Variants in NRXN1 observed in about 807,000 individuals in gnomAD.
NRXN1 encodes neurexin-1.
NRXN1 carries 39 observed loss-of-function variants against 150.9 expected under a neutral mutation model. The ratio of observed to expected loss-of-function variants is 0.26; its 90% confidence interval spans 0.20 to 0.34. NRXN1 has a LOEUF of 0.34. Ranked by LOEUF, NRXN1 falls within the 10% of genes least tolerant of loss-of-function variation. The probability of loss-of-function intolerance (pLI) is 1.00; values close to 1 mark genes in which losing one functional copy is unlikely to be tolerated. For missense variants in NRXN1, 1,815 were observed against 1,949.9 expected (o/e 0.93, Z 1.30); for synonymous variants, 924 against 757.0 (o/e 1.22, Z -3.62).
At chr2:50,374,036 A>C (rs1320458289) in intron 17 of NRXN1, among the ~76,000 whole-genome samples, 2 of 151,490 alleles carry the variant, frequency 1.3e-5, no homozygotes, top group East Asian at 3.9e-4. Context: ...GTGGGCTCAC[A>C]CTTGTAATCT....
chr2:50,494,963 A>T (rs2091476159), intron 15 of NRXN1, among the ~76,000 whole-genome samples: 1 of 151,416 alleles, frequency 6.6e-6, no homozygotes, highest in African/African-American at 2.4e-5. Context: ...CCTAAGAGGC[A>T]GAGACTGAAG....
chr2:50,042,639 C>T (rs1161381792), intron 21 of NRXN1, among the ~76,000 whole-genome samples: 1 of 152,082 alleles, frequency 6.6e-6, no homozygotes, highest in African/African-American at 2.4e-5. Context: ...TCAAAAACCA[C>T]TTACTAAGTG....
intron 21 of NRXN1, among the ~76,000 whole-genome samples, chr2:49,949,361 A>G (rs1292298062): frequency 6.6e-6 from 1 of 152,018 alleles, no homozygotes; most frequent in Non-Finnish European, 1.5e-5. Context: ...TTTAAAAAAT[A>G]TAGCTTAACT....
At chr2:50,994,386 T>C (rs1288038425) in intron 2 of NRXN1, among the ~76,000 whole-genome samples, 1 of 152,022 alleles carries the variant, frequency 6.6e-6, no homozygotes, top group African/African-American at 2.4e-5. Flanking sequence ...AGATAACTTA[T>C]CCTCAAGTTT....
intron 2 of NRXN1, among the ~76,000 whole-genome samples, chr2:51,008,108 G>T (rs1034782721): frequency 6.6e-5 from 10 of 151,806 alleles, no homozygotes; most frequent in African/African-American, 2.2e-4. Context: ...TTTGATTGTT[G>T]CTGGCAATGT....
chr2:50,179,867 C>A (rs933197861), intron 18 of NRXN1, among the ~76,000 whole-genome samples: 2 of 152,076 alleles, frequency 1.3e-5, no homozygotes, highest in East Asian at 3.9e-4. Context: ...GCCTGCTGCT[C>A]CTCCTTCCCT....
rs544284165 is a variant in NRXN1, at chr2:50,689,957, G to A, written c.833-66342C>T. Among the ~76,000 whole-genome samples the A allele has an allele frequency of 2.0e-5, 3 of 150,464 alleles. No homozygotes were observed. In the South Asian group the frequency reaches 6.3e-4, roughly 32 times the overall value. On this transcript the variant is annotated intron_variant, in intron 5 of 22. Transcript: ENST00000401669. ...GCTGCAGTGCAATGGTGCGATCTCG[G>A]CTCACTGCAACCTCTGCCTCTGGGG...
intron 8 of NRXN1, among the ~76,000 whole-genome samples, chr2:50,560,422 A>ATGTT (rs71404964): frequency 0.4 from 56,051 of 139,790 alleles, 11,413 homozygotes; most frequent in East Asian, 0.63. Flanking sequence ...AGTCTGATGT[A>ATGTT]TGTTTATTTA....
At chr2:51,018,725 T>C (rs1012298536) in intron 2 of NRXN1, among the ~76,000 whole-genome samples, 1 of 152,104 alleles carries the variant, frequency 6.6e-6, no homozygotes. Flanking sequence ...ACCACAGAGG[T>C]TGATATTTTC....
intron 21 of NRXN1, among the ~76,000 whole-genome samples, chr2:50,014,102 TTTTG>T (rs1179156393): frequency 4.0e-5 from 6 of 151,800 alleles, no homozygotes; most frequent in Non-Finnish European, 7.4e-5. Context: ...CTTGTTTTTT[TTTTG>T]TTTTTGTTTT....
intron 21 of NRXN1, among the ~76,000 whole-genome samples, chr2:50,013,482 G>C (rs1253081979): frequency 1.3e-5 from 2 of 151,990 alleles, no homozygotes; most frequent in African/African-American, 2.4e-5. Flanking sequence ...GATTACTTTT[G>C]TCGTGGTTTA....
chr2:50,531,100 A>G, intron 11 of NRXN1, 127 bp downstream of exon 11: 2 of 663,624 alleles, frequency 3.0e-6, no homozygotes, highest in Non-Finnish European at 5.1e-6. Context: ...ATTACTTTAA[A>G]TGATGGAAAT....
intron 10 of NRXN1, among the ~76,000 whole-genome samples, chr2:50,535,017 T>C (rs1373410224): frequency 6.6e-6 from 1 of 152,206 alleles, no homozygotes. Flanking sequence ...CCGAGTGTCA[T>C]GTTAAATAAT....
intron 17 of NRXN1, among the ~76,000 whole-genome samples, chr2:50,387,098 A>C (rs560162900): frequency 6.6e-6 from 1 of 152,254 alleles, no homozygotes; most frequent in Non-Finnish European, 1.5e-5. Context: ...TGATTCACCC[A>C]ATGGTTCCTC....
chr2:50,140,036 T>C (rs1299113398), intron 18 of NRXN1, among the ~76,000 whole-genome samples: 3 of 152,132 alleles, frequency 2.0e-5, no homozygotes, highest in Non-Finnish European at 4.4e-5. Context: ...ACACAGAGCA[T>C]TTTTAAATGA....
At chr2:50,466,657 G>C (rs2088898321) in intron 16 of NRXN1, among the ~76,000 whole-genome samples, 1 of 151,590 alleles carries the variant, frequency 6.6e-6, no homozygotes, top group African/African-American at 2.4e-5. Context: ...TAAATCTTAA[G>C]AGAAGCCAAA....
intron 5 of NRXN1, among the ~76,000 whole-genome samples, chr2:50,817,754 C>A (rs568708211): frequency 4.6e-5 from 7 of 152,016 alleles, no homozygotes; most frequent in Non-Finnish European, 1.0e-4. Flanking sequence ...AAAGAGTGAT[C>A]ATCTCAATAG....
intron 5 of NRXN1, among the ~76,000 whole-genome samples, chr2:50,685,484 A>T: frequency 6.6e-6 from 1 of 152,018 alleles, no homozygotes; most frequent in East Asian, 1.9e-4. Context: ...CATTATCTCC[A>T]TTGCTAAGGC....
intron 2 of NRXN1, among the ~76,000 whole-genome samples, chr2:50,983,277 G>GT (rs1303961298): frequency 6.6e-6 from 1 of 152,036 alleles, no homozygotes; most frequent in East Asian, 1.9e-4. Flanking sequence ...GCATTTAGGG[G>GT]TATGAGGAAT....
Sources: allele counts gnomAD v4.1 joint callset (sites outside exome capture counted in the v4.1 genomes callset), GRCh38; gene constraint gnomAD v4.1.1; transcripts MANE v1.5; gene names NCBI Gene and HGNC (gene_info 2026-07-23, HGNC 2026-07-21).